Variants in INSL6 observed in about 807,000 individuals in gnomAD.
INSL6 encodes insulin-like peptide INSL6.
A neutral mutation model predicts 9.4 loss-of-function variants in INSL6; 16 were observed. The ratio of observed to expected loss-of-function variants is 1.70; its 90% CI spans 1.15 to 2.59. INSL6 has a LOEUF of 2.59. Among genes scored for constraint, INSL6 ranks in the 30% most tolerant of loss-of-function variants. The pLI is 0.00. For synonymous variants in INSL6, 154 were observed against 96.9 expected, an observed-to-expected ratio of 1.59 and a Z score of -3.46; for missense variants, 391 against 257.3, an observed-to-expected ratio of 1.52 and a Z score of -3.56.
chr9:5,095,688 A>G, the INSL6 span, among the ~76,000 whole-genome samples: 5 of 152,288 alleles, frequency 3.3e-5, no homozygotes, highest in East Asian at 7.7e-4. Context: ...CCAGTCTCCT[A>G]TCTATCACAA....
rs1824056903 is a variant in INSL6, at chr9:5,127,229, GTTCA to G, written c.*11-2722_*11-2719del. 1.3e-5 allele frequency: 3 copies of G among 232,824 alleles called. No homozygotes were observed. The Admixed American group carries it at 1.7e-4, about 13-fold the overall frequency. The allele number at this position is 232,824 out of a possible 1,614,324, so 14.4% of individuals were successfully genotyped here. ...ATGTTTTACACACATGAGGGCTGGT[GTTCA>G]TTAATACTGTTTTCTAATTTTTCCA... On this transcript the variant is annotated intron_variant, in intron 3 of 3. Coordinates refer to the INSL6 transcript ENST00000649639.
At chr9:5,155,532 A>G (rs1234573547) in intron 2 of INSL6, among the ~76,000 whole-genome samples, 2 of 151,668 alleles carry the variant, frequency 1.3e-5, no homozygotes, top group African/African-American at 4.8e-5. Context: ...TACTAAATAA[A>G]AAAAAAAAAG....
At chr9:5,146,991 C>T (rs1026694509) in intron 2 of INSL6, among the ~76,000 whole-genome samples, 4 of 152,158 alleles carry the variant, frequency 2.6e-5, no homozygotes, top group African/African-American at 9.7e-5. Context: ...CCAGCCCTAT[C>T]TGATGTGCAA....
At chr9:5,118,113 AC>A in the INSL6 span, among the ~76,000 whole-genome samples, 1 of 152,182 alleles carries the variant, frequency 6.6e-6, no homozygotes, top group Non-Finnish European at 1.5e-5. Context: ...GTGAGCGGAG[AC>A]CTCGCCACTG....
chr9:5,112,097 T>C, the INSL6 span: 2 of 352,988 alleles, frequency 5.7e-6, no homozygotes, highest in Non-Finnish European at 1.1e-5. Flanking sequence ...ACCACCTACC[T>C]GAACGAGGGC....
At chr9:5,113,221 CAGT>C in the INSL6 span, among the ~76,000 whole-genome samples, 1 of 87,446 alleles carries the variant, frequency 1.1e-5, no homozygotes, top group African/African-American at 5.1e-5. Flanking sequence ...TTTTTTTTTC[CAGT>C]AAACAAAACC....
In INSL6 at chr9:5,185,221, C is replaced by A; in HGVS notation, c.289+93G>T. On this transcript the variant is annotated intron_variant, in intron 1 of 1. Transcript: ENST00000381641. ...AGAGCTGTGTACTAGGCACAAATTC[C>A]ACTTCCTGGGGAAGCTCACCTTCTG... The A allele has an allele frequency of 2.0e-6, 3 of 1,522,564 alleles. No homozygotes were observed. The South Asian group carries it at 3.4e-5, about 17-fold the overall frequency. The allele number at this position is 1,522,564 out of a possible 1,614,324, so 94.3% of individuals were successfully genotyped here.
At chr9:5,156,422 A>G (rs1824815617) in intron 2 of INSL6, among the ~76,000 whole-genome samples, 2 of 152,198 alleles carry the variant, frequency 1.3e-5, no homozygotes, top group Admixed American at 1.3e-4. Flanking sequence ...GCAAAACCCC[A>G]TTCCTATTAG....
At chr9:5,137,735 T>G (rs1008578302) in intron 2 of INSL6, among the ~76,000 whole-genome samples, 1 of 152,002 alleles carries the variant, frequency 6.6e-6, no homozygotes, top group African/African-American at 2.4e-5. Flanking sequence ...AAAATTGACA[T>G]ATGGGATCTA....
chr9:5,039,814 A>G, the INSL6 span, among the ~76,000 whole-genome samples: 18 of 152,296 alleles, frequency 1.2e-4, no homozygotes, highest in Admixed American at 3.3e-4. Context: ...TCATTGAAAG[A>G]AATTAAGGAA....
At chr9:5,121,608 G>C (rs1444090196), downstream of INSL6, among the ~76,000 whole-genome samples, 2 of 152,246 alleles carry the variant, frequency 1.3e-5, no homozygotes, top group Admixed American at 1.3e-4. Context: ...TCTTGAGAAA[G>C]ACATTCATGG....
chr9:5,085,984 A>G, the INSL6 span: 2 of 977,908 alleles, frequency 2.0e-6, no homozygotes, highest in Non-Finnish European at 3.3e-6. Flanking sequence ...GTTTTGCTGT[A>G]CGGGGTTGTG....
downstream of INSL6, among the ~76,000 whole-genome samples, chr9:5,161,771 G>A (rs946422712): frequency 6.6e-6 from 1 of 152,076 alleles, no homozygotes; most frequent in African/African-American, 2.4e-5. Context: ...ACAAAATTCA[G>A]TAGCACTTCT....
the INSL6 span, among the ~76,000 whole-genome samples, chr9:5,095,696 C>A: frequency 2.6e-3 from 396 of 152,294 alleles, 3 homozygotes; most frequent in African/African-American, 8.9e-3. Context: ...CTATCTATCA[C>A]AATCCTATCC....
At chr9:5,178,635 G>C (rs1586879894) in intron 1 of INSL6, among the ~76,000 whole-genome samples, 1 of 152,188 alleles carries the variant, frequency 6.6e-6, no homozygotes, top group East Asian at 1.9e-4. Context: ...AACCACAACA[G>C]CTTGGTACTG....
intron 1 of INSL6, among the ~76,000 whole-genome samples, chr9:5,175,479 G>C (rs1417510577): frequency 6.6e-6 from 1 of 152,024 alleles, no homozygotes; most frequent in Non-Finnish European, 1.5e-5. Context: ...ATGACTCCTT[G>C]CATCACCCCA....
At chr9:5,097,492 A>G in the INSL6 span, 21 of 152,180 alleles carry the variant, frequency 1.4e-4, no homozygotes, top group African/African-American at 4.1e-4. Flanking sequence ...CATAATATCT[A>G]TTGGCTTCTT....
the INSL6 span, among the ~76,000 whole-genome samples, chr9:5,017,781 C>CT: frequency 1.3e-5 from 2 of 152,184 alleles, no homozygotes; most frequent in South Asian, 4.1e-4. Flanking sequence ...AGTTTTATAT[C>CT]TGTTACAGTA....
At chr9:5,078,650 G>A in the INSL6 span, among the ~76,000 whole-genome samples, 2 of 151,998 alleles carry the variant, frequency 1.3e-5, no homozygotes, top group African/African-American at 4.8e-5. Context: ...GGACTGTGAG[G>A]TGATTTTTTA....
Sources: allele counts gnomAD v4.1 joint callset (sites outside exome capture counted in the v4.1 genomes callset), GRCh38; gene constraint gnomAD v4.1.1; transcripts MANE v1.5; gene names NCBI Gene and HGNC (gene_info 2026-07-23, HGNC 2026-07-21).